The following UGT1A9 variants were observed in gnomAD, a reference collection of about 807,000 sequenced individuals.
The protein encoded by UGT1A9 is UDP-glucuronosyltransferase 1A9.
UGT1A9 carries 35 observed loss-of-function variants against 45.0 expected under a neutral mutation model. The ratio of observed to expected loss-of-function variants is 0.78; its 90% confidence interval spans 0.59 to 1.03. UGT1A9 has a LOEUF of 1.03. UGT1A9 is among the 50% of genes least tolerant of loss of function. The pLI, the probability that UGT1A9 is intolerant of heterozygous loss-of-function variation, is 0.00. For missense variants in UGT1A9, 687 were observed against 666.6 expected, an observed-to-expected ratio of 1.03 and a Z score of -0.34; for synonymous variants, 278 against 250.6, an observed-to-expected ratio of 1.11 and a Z score of -1.03.
chr2:233,719,071 G>A, intron 1 of UGT1A9: 1 of 1,614,278 alleles, frequency 6.2e-7, no homozygotes. Flanking sequence ...GCTGTTCCAT[G>A]GACCCAGAAG....
chr2:233,739,705 T>C (rs887179684), intron 1 of UGT1A9, among the ~76,000 whole-genome samples: 3 of 152,188 alleles, frequency 2.0e-5, no homozygotes, highest in African/African-American at 7.2e-5. Flanking sequence ...TACAGGCTCA[T>C]GGGGGAAGGG....
At chr2:233,767,261 T>C in intron 2 of UGT1A9, 96 bp downstream of exon 2, 1 of 1,590,062 alleles carries the variant, frequency 6.3e-7, no homozygotes, top group Non-Finnish European at 8.5e-7. Context: ...ATTGGAACCT[T>C]AGATTTGGCT....
At chr2:233,694,710 C>A (rs934435713) in intron 1 of UGT1A9, among the ~76,000 whole-genome samples, 1 of 152,132 alleles carries the variant, frequency 6.6e-6, no homozygotes, top group Non-Finnish European at 1.5e-5. Flanking sequence ...TTCTTTACAC[C>A]TGCTGATTTC....
At chr2:233,674,209 G>A (rs772359016) in intron 1 of UGT1A9, among the ~76,000 whole-genome samples, 3 of 152,136 alleles carry the variant, frequency 2.0e-5, no homozygotes, top group African/African-American at 4.8e-5. Context: ...AAGAGTGACT[G>A]TTCAGCCAAC....
chr2:233,678,261 A>T (rs2074412967), intron 1 of UGT1A9, among the ~76,000 whole-genome samples: 1 of 152,216 alleles, frequency 6.6e-6, no homozygotes, highest in South Asian at 2.1e-4. Context: ...CATCAGCATC[A>T]CACAATATAC....
chr2:233,713,360 C>A lies in UGT1A9; in HGVS notation c.855+40571C>A, dbSNP rs377457908. The stretch of plus-strand genomic sequence containing the variant: ...CAATTATGAACAATATGTCTTTGAT[C>A]ATACATAGGTCTTGTGTGGAGCTAC... On this transcript the variant is annotated intron_variant, in intron 1 of 4. Coordinates refer to ENST00000354728, the MANE Select transcript of UGT1A9 (RefSeq NM_021027.3). 1.3e-5 allele frequency: 21 copies of A among 1,614,044 alleles called. No homozygotes were observed. The African/African-American group carries it at 2.1e-4, about 16-fold the overall frequency.
chr2:233,699,892 C>G (rs566030513), intron 1 of UGT1A9, among the ~76,000 whole-genome samples: 2 of 152,106 alleles, frequency 1.3e-5, no homozygotes, highest in African/African-American at 4.8e-5. Flanking sequence ...ATTGGAGAGG[C>G]GAAATAGTCA....
At chr2:233,743,710 G>A (rs199592554) in intron 1 of UGT1A9, 114 of 1,367,318 alleles carry the variant, frequency 8.3e-5, no homozygotes, top group East Asian at 1.8e-4. Context: ...CCCCCGCCTC[G>A]CCATAGCGGT....
Position 233,672,742 on chromosome 2 carries a change from A to T in UGT1A9, c.808A>T (p.Ile270Phe). Residue 270 changes from isoleucine (I) to phenylalanine (F), a missense_variant, in exon 1 of 5, where the codon ATC becomes TTC. Physicochemically the swap from Ile to Phe is conservative, Grantham distance 21. Coordinates refer to ENST00000354728, the MANE Select transcript of UGT1A9 (RefSeq NM_021027.3). ...TCCCAAACCCGTGATGCCCAACATGATCTTCATTGGTGGTATCAACTGCCA... is the reference window on the plus strand; with the variant it reads ...TCCCAAACCCGTGATGCCCAACATGTTCTTCATTGGTGGTATCAACTGCCA... ...DYPKPVMPNM[I>F]FIGGINCHQG... The T allele has an allele frequency of 1.2e-6, 2 of 1,613,888 alleles. No homozygotes were observed. The highest frequency in any genetic ancestry group is 1.3e-5 in the African/African-American group (1 of 75,038).
chr2:233,718,682 A>G, intron 1 of UGT1A9: 1 of 1,574,938 alleles, frequency 6.3e-7, no homozygotes, highest in Non-Finnish European at 8.6e-7. Flanking sequence ...GGTAATAAGT[A>G]ACTGGAGGAG....
At chr2:233,731,097 C>T (rs1453448635) in intron 1 of UGT1A9, among the ~76,000 whole-genome samples, 1 of 151,946 alleles carries the variant, frequency 6.6e-6, no homozygotes, top group African/African-American at 2.4e-5. Context: ...ATTTCTGTGC[C>T]TTTTTTATAA....
chr2:233,710,978 A>G (rs140635768), intron 1 of UGT1A9, among the ~76,000 whole-genome samples: 1 of 152,344 alleles, frequency 6.6e-6, no homozygotes, highest in Non-Finnish European at 1.5e-5. Context: ...GGAATATACA[A>G]TCATTCAGAT....
At chr2:233,709,290 A>G (rs1187153561) in intron 1 of UGT1A9, among the ~76,000 whole-genome samples, 1 of 152,124 alleles carries the variant, frequency 6.6e-6, no homozygotes, top group African/African-American at 2.4e-5. Flanking sequence ...CCTTCAATTA[A>G]TGATATTTTC....
Position 233,772,527 on chromosome 2 carries a change from G to C in UGT1A9, c.1561G>C (p.Val521Leu), listed in dbSNP as rs769084242. The part of the protein sequence containing the change: ...YRKCLGKKGR[V>L]KKAHKSKTH ...GAAATGCTTGGGGAAAAAAGGGCGA[G>C]TTAAGAAAGCCCACAAATCCAAGAC... Residue 521 changes from valine to leucine, a missense_variant, in exon 5 of 5, where the codon GTT (valine) becomes CTT (leucine). Physicochemically the swap from Val to Leu is conservative, Grantham distance 32 (BLOSUM62 1). Coordinates refer to ENST00000354728, the MANE Select transcript of UGT1A9 (RefSeq NM_021027.3). The C allele has an allele frequency of 1.9e-6, 3 of 1,614,046 alleles. No homozygotes were observed. The highest frequency in any genetic ancestry group is 1.6e-4 in the Middle Eastern group (1 of 6,084).
chr2:233,733,677 AC>A, intron 1 of UGT1A9, among the ~76,000 whole-genome samples: 1 of 152,244 alleles, frequency 6.6e-6, no homozygotes, highest in South Asian at 2.1e-4. Context: ...ATGTGGATAA[AC>A]TTTTTGATGT....
In UGT1A9 at chr2:233,769,701, C is replaced by A. The variant is rs2126047704; in HGVS notation, c.1295+1262C>A. 1 of 1,525,142 alleles carries A rather than the reference C, an allele frequency of 6.6e-7. No homozygotes were observed. The highest frequency in any genetic ancestry group is 2.0e-5 in the Admixed American group (1 of 50,446). 94.5% of individuals were successfully genotyped at this position (1,525,142 alleles called of 1,614,324 possible). On this transcript the variant is annotated intron_variant, in intron 4 of 4. Transcript: ENST00000354728. This position sits in a 1 kb window ranked among gnomAD's most constrained non-coding sequence, Gnocchi z 4.4. ...TGTGTGGTGGCACTGGATAAAAGAT[C>A]AATGTTGGCTAGGCACCATGGCACA...
chr2:233,716,515 C>G (rs915755081), intron 1 of UGT1A9, among the ~76,000 whole-genome samples: 1 of 152,192 alleles, frequency 6.6e-6, no homozygotes, highest in Admixed American at 6.5e-5. Flanking sequence ...GAGCTCTCAG[C>G]TTACCATTCA....
intron 1 of UGT1A9, among the ~76,000 whole-genome samples, chr2:233,694,658 A>T (rs1315709453): frequency 6.6e-6 from 1 of 152,160 alleles, no homozygotes; most frequent in Admixed American, 6.5e-5. Context: ...CTTTTTTATC[A>T]GAGAGAAAGC....
At chr2:233,682,685 A>G (rs745965167) in intron 1 of UGT1A9, 2 of 1,613,842 alleles carry the variant, frequency 1.2e-6, no homozygotes, top group East Asian at 2.2e-5. Context: ...CCACACATCA[A>G]TTTGGTTGTT....
Sources: allele counts gnomAD v4.1 joint callset (sites outside exome capture counted in the v4.1 genomes callset), GRCh38; gene constraint gnomAD v4.1.1; non-coding constraint Gnocchi (gnomAD v3.1); transcripts MANE v1.5; gene names NCBI Gene and HGNC (gene_info 2026-07-23, HGNC 2026-07-21).